MTMR7: variants seen among roughly 807,000 people sequenced by gnomAD.
The protein encoded by MTMR7 is myotubularin related protein 7.
In MTMR7, 76 loss-of-function variants were observed where a neutral mutation model predicts 81.2. That is an observed-to-expected ratio of 0.94 (90% confidence interval 0.78 to 1.13). MTMR7 has a LOEUF of 1.13. Among genes scored for constraint, MTMR7 ranks in the 50% most tolerant of loss-of-function variants. The pLI, the probability that MTMR7 is intolerant of heterozygous loss-of-function variation, is 0.00. For missense variants in MTMR7, 1,044 were observed against 820.0 expected (o/e 1.27, Z -3.34); for synonymous variants, 372 against 289.8 (o/e 1.28, Z -2.88).
rs1035053895 is a variant in MTMR7 at position 17,310,332 on chromosome 8, T to C, written c.1102-1006A>G. ...TTAAAAAGTGTTCAGTCAAGTAATA[T>C]GGATAGTCTCATCAATATCCCCAAT... On this transcript the variant is annotated intron_variant, in intron 9 of 13. Transcript: ENST00000180173. 3.9e-5 allele frequency among the ~76,000 whole-genome samples: 6 copies of C among 152,270 alleles called. No homozygotes were observed. The South Asian group carries it at 6.2e-4, about 16-fold the overall frequency.
At chr8:17,311,680 A>G (rs1817789502) in intron 8 of MTMR7, 44 bp from the exon 9 acceptor site, 1 of 1,612,618 alleles carries the variant, frequency 6.2e-7, no homozygotes, top group Non-Finnish European at 8.5e-7. Flanking sequence ...GAATGGCTGT[A>G]AAAAGGCAGA....
At position 17,341,425 on chromosome 8, in the gene MTMR7, G is replaced by C. The variant is rs1476337426; in HGVS notation, c.670C>G (p.Gln224Glu). 2 of 1,614,078 alleles carry C rather than the reference G, an allele frequency of 1.2e-6. No individual in the cohort carries two copies. Among genetic ancestry groups the C allele is most frequent in the African/African-American group, 2.7e-5 (2 of 74,944 alleles). ...CCTGGATTGGCTTTCCTAATGGCCT[G>C]GAGCATCTGCTCGTCCTCTAGGCAC... is the stretch of plus-strand genomic sequence containing the variant. ...ARCLEDEQML[Q>E]AIRKANPGSD... Residue 224 changes from glutamine to glutamate, a missense_variant, in exon 6 of 14, where the codon CAG becomes GAG. Coordinates refer to ENST00000180173, the MANE Select transcript of MTMR7 (RefSeq NM_004686.5).
chr8:17,404,743 TAGAG>T (rs1436129328), intron 1 of MTMR7, among the ~76,000 whole-genome samples: 1 of 152,178 alleles, frequency 6.6e-6, no homozygotes, highest in African/African-American at 2.4e-5. Context: ...TCTCAGGTAA[TAGAG>T]ACTTACCCAA....
intron 3 of MTMR7, among the ~76,000 whole-genome samples, chr8:17,362,458 T>C (rs1820088098): frequency 6.6e-6 from 1 of 152,186 alleles, no homozygotes; most frequent in Non-Finnish European, 1.5e-5. Context: ...AGTGCATTAA[T>C]CCAGTTAGTA....
At chr8:17,391,165 G>A (rs1007077718) in intron 1 of MTMR7, among the ~76,000 whole-genome samples, 16 of 152,208 alleles carry the variant, frequency 1.1e-4, no homozygotes, top group Admixed American at 3.3e-4. Flanking sequence ...ATCTGTGAGG[G>A]GAAACAAGTA....
Position 17,319,134 on chromosome 8 carries a change from C to T in MTMR7, c.866-5733G>A, listed in dbSNP as rs542104701. On this transcript the variant is annotated intron_variant, in intron 7 of 13. Coordinates refer to ENST00000180173, the MANE Select transcript of MTMR7 (RefSeq NM_004686.5). ...CATGATATACGCATGGGCAATAGCA[C>T]GTAGCAATGTTTAAGGGCTTCAGAG... 4.7e-4 allele frequency among the ~76,000 whole-genome samples: 72 copies of T among 152,296 alleles called. 3 individuals carry two copies. In the South Asian group the frequency reaches 0.014, roughly 30 times the overall value.
At chr8:17,345,678 A>G (rs1819533403) in intron 5 of MTMR7, among the ~76,000 whole-genome samples, 1 of 152,170 alleles carries the variant, frequency 6.6e-6, no homozygotes, top group Admixed American at 6.5e-5. Flanking sequence ...CTAACACTAC[A>G]TGTGGTAACA....
chr8:17,410,578 C>T (rs1462753133), intron 1 of MTMR7, among the ~76,000 whole-genome samples: 1 of 152,186 alleles, frequency 6.6e-6, no homozygotes, highest in African/African-American at 2.4e-5. Flanking sequence ...CCAGCCTGTC[C>T]TTGGAACTTT....
At chr8:17,308,851 C>G (rs1025086819) in intron 10 of MTMR7, among the ~76,000 whole-genome samples, 1 of 152,186 alleles carries the variant, frequency 6.6e-6, no homozygotes, top group Non-Finnish European at 1.5e-5. Flanking sequence ...CCAGAGACAT[C>G]TGGGACAAAC....
At chr8:17,301,817 A>G in intron 13 of MTMR7, 1 of 349,122 alleles carries the variant, frequency 2.9e-6, no homozygotes, top group East Asian at 4.8e-5. Flanking sequence ...TTACAAGTAC[A>G]TATATTTGAT....
chr8:17,367,660 C>A (rs1035605065), intron 3 of MTMR7, among the ~76,000 whole-genome samples: 51 of 152,236 alleles, frequency 3.4e-4, no homozygotes, highest in African/African-American at 1.1e-3. Context: ...TTTGATTTAC[C>A]TTATACCAGA....
chr8:17,367,578 T>A (rs1342908598), intron 3 of MTMR7, among the ~76,000 whole-genome samples: 1 of 152,234 alleles, frequency 6.6e-6, no homozygotes, highest in Non-Finnish European at 1.5e-5. Context: ...TCTTCTACAG[T>A]CTGTGACCAA....
intron 6 of MTMR7, among the ~76,000 whole-genome samples, chr8:17,333,173 C>T (rs1819101302): frequency 6.6e-6 from 1 of 152,196 alleles, no homozygotes; most frequent in Admixed American, 6.5e-5. Context: ...ACACTGTTCC[C>T]ATCCACAAAA....
intron 13 of MTMR7, 104 bp downstream of exon 13, chr8:17,302,050 A>C: frequency 6.8e-7 from 1 of 1,476,906 alleles, no homozygotes; most frequent in Non-Finnish European, 9.3e-7. Context: ...CTGACTAAAA[A>C]TGTGAAATAT....
chr8:17,358,616 G>T (rs926599105), intron 4 of MTMR7, among the ~76,000 whole-genome samples: 1 of 152,114 alleles, frequency 6.6e-6, no homozygotes, highest in African/African-American at 2.4e-5. Flanking sequence ...GTTTTATGAT[G>T]ACATACGTCT....
chr8:17,384,350 A>G (rs559407699), intron 1 of MTMR7, among the ~76,000 whole-genome samples: 1 of 152,262 alleles, frequency 6.6e-6, no homozygotes, highest in Admixed American at 6.5e-5. Flanking sequence ...GTTTGAGGTT[A>G]TAGTCAGACA....
At chr8:17,381,205 G>A (rs550995814) in intron 1 of MTMR7, among the ~76,000 whole-genome samples, 1 of 151,958 alleles carries the variant, frequency 6.6e-6, no homozygotes, top group Admixed American at 6.5e-5. Context: ...GGGTTAGACT[G>A]AGGGGAAAAA....
intron 1 of MTMR7, among the ~76,000 whole-genome samples, chr8:17,387,403 C>A (rs725948): frequency 0.052 from 7,840 of 151,848 alleles, 259 homozygotes; most frequent in Non-Finnish European, 0.07. Context: ...TTTAGACAGA[C>A]CCAGGGGAGC....
intron 6 of MTMR7, among the ~76,000 whole-genome samples, chr8:17,338,404 C>A (rs1310901882): frequency 6.6e-6 from 1 of 152,174 alleles, no homozygotes; most frequent in Admixed American, 6.5e-5. Flanking sequence ...ATCTGTCTGG[C>A]TTTATTTAAA....
Sources: gnomAD v4.1 joint callset for allele counts (sites outside exome capture counted in the v4.1 genomes callset) on GRCh38, gnomAD v4.1.1 for gene constraint, MANE v1.5 for transcripts, NCBI Gene and HGNC (gene_info 2026-07-23, HGNC 2026-07-21) for gene names.